Variants in ROBO3 observed in about 807,000 individuals in gnomAD.
ROBO3 encodes the protein roundabout guidance receptor 3.
A neutral mutation model predicts 160.5 loss-of-function variants in ROBO3; 97 were observed. The ratio of observed to expected loss-of-function variants is 0.60; its 90% CI spans 0.51 to 0.72. ROBO3 has a LOEUF of 0.72. ROBO3 is among the 30% of genes least tolerant of loss of function. The pLI, the probability that ROBO3 is intolerant of heterozygous loss-of-function variation, is 0.00. For synonymous variants in ROBO3, 780 were observed against 746.2 expected, an observed-to-expected ratio of 1.05 and a Z score of -0.74; for missense variants, 1,858 against 1,846.5, an observed-to-expected ratio of 1.01 and a Z score of -0.11.
rs774268035 is a variant in ROBO3 at position 124,870,619 on chromosome 11, C to T, written c.924C>T (p.Asp308=). Reference sequence around the variant, plus strand: ...GGAGCAGGTATGAGATCCGGAGTGACCACAGCCTTTGGATTGGGCATGTGA... The same window carrying T: ...GGAGCAGGTATGAGATCCGGAGTGATCACAGCCTTTGGATTGGGCATGTGA... ...LPTGRYEIRS[D]HSLWIGHVSA... The change falls in exon 6 of 28, where the codon GAC becomes GAT. Residue 308 remains aspartate (D), a synonymous_variant. Coordinates refer to ENST00000397801, the MANE Select transcript of ROBO3 (RefSeq NM_022370.4). 6.2e-7 allele frequency: 1 copy of T among 1,613,724 alleles called. No individual in the cohort carries two copies.
chr11:124,870,409 G>A (rs1424377757), intron 5 of ROBO3, 106 bp downstream of exon 5: 4 of 1,493,746 alleles, frequency 2.7e-6, no homozygotes, highest in Non-Finnish European at 3.6e-6. Flanking sequence ...ACACAGAGAA[G>A]TCTGTTCCCT....
chr11:124,866,370 A>G (rs1946196201), intron 1 of ROBO3, among the ~76,000 whole-genome samples: 1 of 152,162 alleles, frequency 6.6e-6, no homozygotes, highest in Non-Finnish European at 1.5e-5. Flanking sequence ...TGATTAATAA[A>G]TGACTGGGAC....
At position 124,869,052 on chromosome 11, in the gene ROBO3, C is replaced by G; in HGVS notation, c.411C>G (p.Asp137Glu). 6.2e-7 allele frequency: 1 copy of G among 1,603,254 alleles called. No homozygotes were observed. The highest frequency in any genetic ancestry group is 2.2e-5 in the East Asian group (1 of 44,450). Reference sequence around the variant, plus strand: ...TGCACGGGCGCCGCGCGCGGCCGGACGAAGGTGTCTACACTTGCGTGGCTC... The same window carrying G: ...TGCACGGGCGCCGCGCGCGGCCGGAGGAAGGTGTCTACACTTGCGTGGCTC... ...RIVHGRRARPDEGVYTCVARN... is the reference protein window; with the variant it reads ...RIVHGRRARPEEGVYTCVARN... The change falls in exon 2 of 28, where the codon GAC becomes GAG. Residue 137 changes from aspartate (D) to glutamate (E), a missense_variant. By Grantham distance (45) the Asp-to-Glu change is conservative. Transcript: ENST00000397801. This position sits in a 1 kb window ranked among gnomAD's most constrained non-coding sequence, Gnocchi z 4.2.
chr11:124,872,500 TGTCA>T lies in ROBO3; in HGVS notation c.1281_1284del (p.Ser428TrpfsTer13). The T allele has an allele frequency of 3.1e-6, 5 of 1,613,970 alleles. No homozygotes were observed. Among genetic ancestry groups the T allele is most frequent in the Non-Finnish European group, 4.2e-6 (5 of 1,179,868 alleles). On this transcript the variant is annotated frameshift_variant, in exon 8 of 28. Transcript: ENST00000397801. LOFTEE classifies it high-confidence loss of function. The surrounding 1 kb of genome is among the most constrained non-coding windows in gnomAD (Gnocchi z 4.3). ...ATGCTGGGTACTACGTGTGCCAGGC[TGTCA>T]GTGTGGCTGGCAGCATCCTGGCCAA...
rs775962239 is a variant in ROBO3, at chr11:124,873,884, C to G, written c.1784+22C>G. 1 of 1,611,322 alleles carries G rather than the reference C, an allele frequency of 6.2e-7. No individual in the cohort carries two copies. The highest frequency in any genetic ancestry group is 8.5e-7 in the Non-Finnish European group (1 of 1,178,430). ...TCAGGTATGGAGAAAGTTTTGAATG[C>G]AAACCTGGAGAGTTAAAAGGAGGGG... On this transcript the variant is annotated intron_variant, in intron 11 of 27. Transcript: ENST00000397801. The surrounding 1 kb of genome is among the most constrained non-coding windows in gnomAD (Gnocchi z 4.5).
Position 124,879,965 on chromosome 11 carries a change from C to T in ROBO3, c.3958+17C>T. 1.3e-6 allele frequency: 2 copies of T among 1,547,290 alleles called. No individual in the cohort carries two copies. Among genetic ancestry groups the T allele is most frequent in the Non-Finnish European group, 1.7e-6 (2 of 1,144,728 alleles). The stretch of plus-strand genomic sequence containing the variant: ...ACCCAGATGGTAAGCAGGGCCAGGG[C>T]AGGCAGGAGGGCTGCTGCCACAGGA... On this transcript the variant is annotated intron_variant, in intron 26 of 27. Transcript: ENST00000397801.
intron 19 of ROBO3, 58 bp downstream of exon 19, chr11:124,877,367 C>T: frequency 5.0e-6 from 8 of 1,606,822 alleles, no homozygotes; most frequent in East Asian, 4.5e-5. Context: ...ACTCTTCTTC[C>T]GCCCCGCTGA....
chr11:124,872,851 TC>T lies in ROBO3; in HGVS notation c.1331-29del. ...GGCTGCCCGCGGGGCCCTAAGCTCC[TC>T]CCCTGAGGTGCACACGTTCTTCCTC... On this transcript the variant is annotated intron_variant, in intron 8 of 27. Transcript: ENST00000397801. This position sits in a 1 kb window ranked among gnomAD's most constrained non-coding sequence, Gnocchi z 4.3. 6.6e-7 allele frequency: 1 copy of T among 1,519,704 alleles called. No homozygotes were observed. The highest frequency in any genetic ancestry group is 8.8e-7 in the Non-Finnish European group (1 of 1,131,008). The allele number at this position is 1,519,704 out of a possible 1,614,324, so 94.1% of individuals were successfully genotyped here.
rs908587897 is a variant in ROBO3, at chr11:124,877,423, C to A, written c.2847-96C>A. On this transcript the variant is annotated intron_variant, in intron 19 of 27. Coordinates refer to ENST00000397801, the MANE Select transcript of ROBO3 (RefSeq NM_022370.4). ...TGGCCACCTCCCACCCCAACACCAC[C>A]GCCACTGTCCTGAAACTCCCGAATA... 9 of 1,590,146 alleles carry A rather than the reference C, an allele frequency of 5.7e-6. No homozygotes were observed. In the African/African-American group the frequency reaches 1.2e-4, roughly 21 times the overall value.
rs144001841 is a variant in ROBO3 at position 124,874,624 on chromosome 11, C to T, written c.1952-164C>T. On this transcript the variant is annotated intron_variant, in intron 12 of 27. Transcript: ENST00000397801. ...ATGTGTAATTATGCTAGCTGGACAC[C>T]GAGGCCCATGTCTGGAAGCTATTTT... Among the ~76,000 whole-genome samples the T allele has an allele frequency of 9.2e-4, 140 of 152,302 alleles. 1 individual carries two copies. The highest frequency in any genetic ancestry group is 3.0e-3 in the African/African-American group (126 of 41,566).
At position 124,873,882 on chromosome 11, in the gene ROBO3, T is replaced by G. The variant is rs1206051484; in HGVS notation, c.1784+20T>G. The G allele has an allele frequency of 6.2e-7, 1 of 1,611,748 alleles. No homozygotes were observed. On this transcript the variant is annotated intron_variant, in intron 11 of 27. Coordinates refer to ENST00000397801, the MANE Select transcript of ROBO3 (RefSeq NM_022370.4). The surrounding 1 kb of genome is among the most constrained non-coding windows in gnomAD (Gnocchi z 4.5). Reference sequence around the variant, plus strand: ...CTTCAGGTATGGAGAAAGTTTTGAATGCAAACCTGGAGAGTTAAAAGGAGG... The same window carrying G: ...CTTCAGGTATGGAGAAAGTTTTGAAGGCAAACCTGGAGAGTTAAAAGGAGG...
intron 1 of ROBO3, among the ~76,000 whole-genome samples, chr11:124,866,343 G>A (rs941296664): frequency 2.6e-5 from 4 of 152,206 alleles, no homozygotes; most frequent in African/African-American, 9.6e-5. Context: ...CGGCGAGGTC[G>A]TTACCGCTAA....
chr11:124,880,078 C>A, intron 26 of ROBO3, 130 bp downstream of exon 26: 1 of 948,356 alleles, frequency 1.1e-6, no homozygotes, highest in Admixed American at 2.9e-5. Context: ...ACATCAAACT[C>A]CCCTGTCTCT....
chr11:124,873,298 CCT>C lies in ROBO3; in HGVS notation c.1537-7_1537-6del. 2.5e-6 allele frequency: 4 copies of C among 1,603,576 alleles called. No homozygotes were observed. Among genetic ancestry groups the C allele is most frequent in the Non-Finnish European group, 3.4e-6 (4 of 1,175,180 alleles). The stretch of plus-strand genomic sequence containing the variant: ...CACTCTCAGTTTGCCAGTGCTCTGC[CCT>C]CTCTTCCAGGAGATGGACATGGGCT... On this transcript the variant is annotated splice_polypyrimidine_tract_variant and intron_variant, in intron 9 of 27. Transcript: ENST00000397801. This position sits in a 1 kb window ranked among gnomAD's most constrained non-coding sequence, Gnocchi z 4.5.
rs1946271317 is a variant in ROBO3, at chr11:124,870,811, A to C, written c.1033+83A>C. On this transcript the variant is annotated intron_variant, in intron 6 of 27. Coordinates refer to ENST00000397801, the MANE Select transcript of ROBO3 (RefSeq NM_022370.4). The stretch of plus-strand genomic sequence containing the variant: ...TGGTTGGCAAGAGACTGAGGGAGAA[A>C]GGGCAGAGAAGGGCATGTGGATGGA... 7.1e-6 allele frequency: 11 copies of C among 1,557,156 alleles called. No homozygotes were observed. In the South Asian group the frequency reaches 1.3e-4, roughly 19 times the overall value.
At position 124,874,157 on chromosome 11, in the gene ROBO3, C is replaced by T; in HGVS notation, c.1872C>T (p.Ile624=). 1.9e-6 allele frequency: 3 copies of T among 1,614,014 alleles called. No homozygotes were observed. The highest frequency in any genetic ancestry group is 2.5e-6 in the Non-Finnish European group (3 of 1,179,880). The change falls in exon 12 of 28, where the codon ATC becomes ATT. Residue 624 remains isoleucine (I), a synonymous_variant. Coordinates refer to ENST00000397801, the MANE Select transcript of ROBO3 (RefSeq NM_022370.4). ...HTVSGLQPNT[I]YLFLVRAVGA... ...TCAGCGGTCTGCAGCCCAATACCAT[C>T]TACCTGTTTCTGGTTCGAGCAGTGG...
Position 124,876,316 on chromosome 11 carries a change from G to GGGCTGGCGGTGC in ROBO3, c.2644_2655dup (p.Val882_Ala885dup). 3 of 1,448,662 alleles carry GGGCTGGCGGTGC rather than the reference G, an allele frequency of 2.1e-6. No individual in the cohort carries two copies. Among genetic ancestry groups the GGGCTGGCGGTGC allele is most frequent in the South Asian group, 3.0e-5 (2 of 67,444 alleles). 89.7% of individuals were successfully genotyped at this position (1,448,662 alleles called of 1,614,324 possible). On this transcript the variant is annotated inframe_insertion, in exon 17 of 28. Coordinates refer to ENST00000397801, the MANE Select transcript of ROBO3 (RefSeq NM_022370.4). The surrounding 1 kb of genome is among the most constrained non-coding windows in gnomAD (Gnocchi z 5.3). The stretch of plus-strand genomic sequence containing the variant: ...GGAGCCCGGGCTGGAGGTGGGCGCG[G>GGGCTGGCGGTGC]GGCTGGCGGTGCGGCTGGCGAGGGT...
chr11:124,880,018 ATAG>A (rs1395564346), intron 26 of ROBO3, 70 bp downstream of exon 26: 1 of 1,404,638 alleles, frequency 7.1e-7, no homozygotes, highest in Non-Finnish European at 9.5e-7. Flanking sequence ...CTGGGGGCTG[ATAG>A]TAGACCAGCT....
At position 124,873,312 on chromosome 11, in the gene ROBO3, G is replaced by C; in HGVS notation, c.1539G>C (p.Glu513Asp). 2 of 1,608,350 alleles carry C rather than the reference G, an allele frequency of 1.2e-6. No homozygotes were observed. The highest frequency in any genetic ancestry group is 3.4e-5 in the Admixed American group (2 of 59,246). The change falls in exon 10 of 28, where the codon GAG (glutamate) becomes GAC (aspartate). Residue 513 changes from glutamate to aspartate, a missense_variant and splice_region_variant. Glu to Asp is a conservative substitution (Grantham distance 45, BLOSUM62 2). Coordinates refer to ENST00000397801, the MANE Select transcript of ROBO3 (RefSeq NM_022370.4). The surrounding 1 kb of genome is among the most constrained non-coding windows in gnomAD (Gnocchi z 4.5). Reference protein sequence around the residue: ...NGTLYIANVQEMDMGFYSCVA... With the variant: ...NGTLYIANVQDMDMGFYSCVA... ...CAGTGCTCTGCCCTCTCTTCCAGGA[G>C]ATGGACATGGGCTTCTACAGCTGCG...
Sources: gnomAD v4.1 joint callset for allele counts (sites outside exome capture counted in the v4.1 genomes callset) on GRCh38, gnomAD v4.1.1 for gene constraint, Gnocchi (gnomAD v3.1) non-coding constraint, MANE v1.5 for transcripts, NCBI Gene and HGNC (gene_info 2026-07-23, HGNC 2026-07-21) for gene names.